Variants in CFAP20DC observed in about 807,000 individuals in gnomAD.
CFAP20DC encodes CFAP20 domain containing.
Under a neutral mutation model 101.7 loss-of-function variants are expected in CFAP20DC, and 84 were observed. That is an observed-to-expected ratio of 0.83 (90% CI 0.69 to 0.99). The LOEUF is 0.99. Ranked by LOEUF, CFAP20DC falls within the 50% of genes least tolerant of loss-of-function variation. The pLI is 0.00. For synonymous variants in CFAP20DC, 359 were observed against 351.2 expected, an observed-to-expected ratio of 1.02 and a Z score of -0.25; for missense variants, 1,007 against 970.3, an observed-to-expected ratio of 1.04 and a Z score of -0.50.
chr3:58,793,877 TC>T (rs1395266984), intron 15 of CFAP20DC, among the ~76,000 whole-genome samples: 1 of 152,196 alleles, frequency 6.6e-6, no homozygotes, highest in East Asian at 1.9e-4. Context: ...TACAAATGGT[TC>T]CACTGCTTTA....
chr3:58,928,489 A>G (rs1190771187), intron 5 of CFAP20DC, among the ~76,000 whole-genome samples: 1 of 152,208 alleles, frequency 6.6e-6, no homozygotes, highest in Admixed American at 6.5e-5. Flanking sequence ...ACTTCAGGTA[A>G]CTGCATTTTA....
rs115473008 is a variant in CFAP20DC, at chr3:58,965,031, T to A, written c.279-27269A>T. Among the ~76,000 whole-genome samples the A allele has an allele frequency of 5.6e-3, 848 of 152,352 alleles. 4 individuals carry two copies. The highest frequency in any genetic ancestry group is 0.02 in the African/African-American group (817 of 41,578). On this transcript the variant is annotated intron_variant, in intron 4 of 16. Transcript: ENST00000482387. Reference sequence around the variant, plus strand: ...GCTTACCAAGGTTTGCATTTATTTGTGTTTCATATGCTCTTTATCTGTGAA... The same window carrying A: ...GCTTACCAAGGTTTGCATTTATTTGAGTTTCATATGCTCTTTATCTGTGAA...
At chr3:59,045,651 T>C (rs1209075540) in intron 3 of CFAP20DC, among the ~76,000 whole-genome samples, 1 of 152,132 alleles carries the variant, frequency 6.6e-6, no homozygotes, top group African/African-American at 2.4e-5. Context: ...AGAATTGAAA[T>C]AGATTCTATG....
At chr3:58,740,114 T>C (rs769193962), downstream of CFAP20DC, among the ~76,000 whole-genome samples, 4 of 152,062 alleles carry the variant, frequency 2.6e-5, no homozygotes, top group African/African-American at 4.8e-5. The surrounding 1 kb of genome is among the most constrained non-coding windows in gnomAD (Gnocchi z 4.6). Flanking sequence ...ACTGGAGTGG[T>C]TGGGTGCTCT....
chr3:59,031,960 G>C lies in CFAP20DC; in HGVS notation c.278+7597C>G, dbSNP rs566702238. Among the ~76,000 whole-genome samples the C allele has an allele frequency of 7.9e-5, 12 of 152,290 alleles. 1 individual carries two copies. The South Asian group carries it at 2.5e-3, about 32-fold the overall frequency. On this transcript the variant is annotated intron_variant, in intron 4 of 16. Coordinates refer to ENST00000482387, the MANE Select transcript of CFAP20DC (RefSeq NM_001394063.1). ...TGCAGCTCCCAGTGAGATCAACCCA[G>C]AAGGCAGGTAATTTCTGCATTTCCA...
intron 15 of CFAP20DC, among the ~76,000 whole-genome samples, chr3:58,761,900 GAC>G (rs2069645185): frequency 6.6e-6 from 1 of 152,142 alleles, no homozygotes; most frequent in Non-Finnish European, 1.5e-5. Context: ...TGGTCTGAGA[GAC>G]AGTTTGTTAT....
chr3:58,729,753 C>G lies in CFAP20DC; in HGVS notation c.198-12125G>C, dbSNP rs2067608776. Among the ~76,000 whole-genome samples the G allele has an allele frequency of 6.6e-6, 1 of 152,092 alleles. No individual in the cohort carries two copies. The highest frequency in any genetic ancestry group is 2.1e-4 in the South Asian group (1 of 4,832). On this transcript the variant is annotated intron_variant, in intron 3 of 3. Transcript: ENST00000486145. This position sits in a 1 kb window ranked among gnomAD's most constrained non-coding sequence, Gnocchi z 4.4. ...AAAGTTGAGGCTGGGATCGGTGGCT[C>G]ATGCCTGTAATTCCTAGCACTTTGG...
At chr3:58,935,262 G>T (rs1202525612) in intron 5 of CFAP20DC, among the ~76,000 whole-genome samples, 10 of 151,870 alleles carry the variant, frequency 6.6e-5, no homozygotes, top group African/African-American at 1.5e-4. Flanking sequence ...CACTGCTCAA[G>T]GAAATAAAAG....
At chr3:58,790,149 G>A (rs1159991208) in intron 15 of CFAP20DC, among the ~76,000 whole-genome samples, 1 of 152,078 alleles carries the variant, frequency 6.6e-6, no homozygotes, top group Admixed American at 6.6e-5. Flanking sequence ...TGGGTCAAGA[G>A]GTAAAAGCGT....
At chr3:58,999,364 A>G (rs1045425265) in intron 4 of CFAP20DC, among the ~76,000 whole-genome samples, 2 of 152,166 alleles carry the variant, frequency 1.3e-5, no homozygotes, top group Non-Finnish European at 2.9e-5. Flanking sequence ...TCAGACAAGG[A>G]GCTAAGATAG....
chr3:58,895,220 C>T (rs1189821116), intron 6 of CFAP20DC, among the ~76,000 whole-genome samples: 1 of 152,236 alleles, frequency 6.6e-6, no homozygotes, highest in Non-Finnish European at 1.5e-5. Context: ...AATTTCTCCT[C>T]AGAAAATGGG....
rs75203673 is a variant in CFAP20DC at position 58,888,988 on chromosome 3, GTTT to G, written c.551-4282_551-4280del. On this transcript the variant is annotated intron_variant, in intron 6 of 16. Transcript: ENST00000482387. ...CTCCACAACCTCACCAGCATCTATTGTTTTTTTTTTTTACTTTTTTTTTTAATT... is the reference window on the plus strand; with the variant it reads ...CTCCACAACCTCACCAGCATCTATTGTTTTTTTTTACTTTTTTTTTTAATT... 6.6e-3 allele frequency among the ~76,000 whole-genome samples: 865 copies of G among 131,784 alleles called. 3 individuals are homozygous for G. The highest frequency in any genetic ancestry group is 0.037 in the Middle Eastern group (9 of 244). 86.5% of individuals were successfully genotyped at this position (131,784 alleles called of 152,430 possible).
At chr3:58,783,041 T>C (rs990054634) in intron 15 of CFAP20DC, among the ~76,000 whole-genome samples, 5 of 152,010 alleles carry the variant, frequency 3.3e-5, no homozygotes, top group Non-Finnish European at 7.4e-5. Context: ...ATTACAAGGC[T>C]ATAGTAACCA....
chr3:58,821,703 T>C (rs1360968897), intron 14 of CFAP20DC, among the ~76,000 whole-genome samples: 2 of 151,608 alleles, frequency 1.3e-5, no homozygotes, highest in African/African-American at 2.4e-5. Context: ...GCTGGGACTG[T>C]AAACTAGTTC....
chr3:59,026,263 A>G (rs2093890577), intron 4 of CFAP20DC, among the ~76,000 whole-genome samples: 2 of 152,150 alleles, frequency 1.3e-5, no homozygotes, highest in South Asian at 4.1e-4. Flanking sequence ...TGTTATTACC[A>G]CTTTAGTGTA....
At chr3:58,820,080 C>T (rs1207981412) in intron 14 of CFAP20DC, among the ~76,000 whole-genome samples, 1 of 151,562 alleles carries the variant, frequency 6.6e-6, no homozygotes. Context: ...AAGCCTTTGA[C>T]AAAATTCAAC....
Position 58,795,385 on chromosome 3 carries a change from C to A in CFAP20DC, c.2237+11010G>T, listed in dbSNP as rs967424997. ...AGGTGCCGTGGCTCACGCCTGTAAC[C>A]CAGCCCTTTGGGAGGCCAAGGTGGA... On this transcript the variant is annotated intron_variant, in intron 15 of 16. Coordinates refer to ENST00000482387, the MANE Select transcript of CFAP20DC (RefSeq NM_001394063.1). This position sits in a 1 kb window ranked among gnomAD's most constrained non-coding sequence, Gnocchi z 4.2. Among the ~76,000 whole-genome samples, 1 of 152,176 alleles carries A rather than the reference C, an allele frequency of 6.6e-6. No homozygotes were observed. The highest frequency in any genetic ancestry group is 2.4e-5 in the African/African-American group (1 of 41,446).
At chr3:58,934,064 G>C (rs1051128718) in intron 5 of CFAP20DC, among the ~76,000 whole-genome samples, 7 of 151,982 alleles carry the variant, frequency 4.6e-5, no homozygotes, top group African/African-American at 1.7e-4. Context: ...AATCAAATAG[G>C]TGGAATAAAA....
chr3:58,981,073 G>A (rs2092519871), intron 4 of CFAP20DC, among the ~76,000 whole-genome samples: 1 of 152,078 alleles, frequency 6.6e-6, no homozygotes, highest in Non-Finnish European at 1.5e-5. Flanking sequence ...CAGACAAACA[G>A]AGAGCCAAAT....
Sources: gnomAD v4.1 joint callset for allele counts (sites outside exome capture counted in the v4.1 genomes callset) on GRCh38, gnomAD v4.1.1 for gene constraint, Gnocchi (gnomAD v3.1) non-coding constraint, MANE v1.5 for transcripts, NCBI Gene and HGNC (gene_info 2026-07-23, HGNC 2026-07-21) for gene names.